Variants in PRKCA observed in about 807,000 individuals in gnomAD.
PRKCA encodes protein kinase C alpha type.
Under a neutral mutation model 87.0 loss-of-function variants are expected in PRKCA, and 27 were observed. That is an observed-to-expected ratio of 0.31 (90% CI 0.23 to 0.43). The LOEUF is 0.43. PRKCA is among the 20% of genes least tolerant of loss of function. The probability of loss-of-function intolerance (pLI) is 1.00; values close to 1 mark genes in which losing one functional copy is unlikely to be tolerated. For missense variants in PRKCA, 518 were observed against 852.3 expected (o/e 0.61, Z 4.88); for synonymous variants, 329 against 311.1 (o/e 1.06, Z -0.61).
At chr17:66,702,948 C>G (rs562650438) in intron 8 of PRKCA, among the ~76,000 whole-genome samples, 1 of 152,000 alleles carries the variant, frequency 6.6e-6, no homozygotes, top group South Asian at 2.1e-4. Flanking sequence ...AGTAAAAATA[C>G]AATATAAAAG....
chr17:66,425,295 T>C (rs1912739075), intron 2 of PRKCA, among the ~76,000 whole-genome samples: 1 of 152,090 alleles, frequency 6.6e-6, no homozygotes, highest in African/African-American at 2.4e-5. Flanking sequence ...CACAGACCTC[T>C]CCCTCCAAGG....
At chr17:66,511,578 G>A (rs1917231113) in intron 3 of PRKCA, among the ~76,000 whole-genome samples, 1 of 152,134 alleles carries the variant, frequency 6.6e-6, no homozygotes, top group Admixed American at 6.5e-5. Flanking sequence ...TATTTAAGAA[G>A]GAATCACATT....
At chr17:66,684,498 T>C (rs977184783) in intron 5 of PRKCA, among the ~76,000 whole-genome samples, 24 of 152,244 alleles carry the variant, frequency 1.6e-4, no homozygotes. Flanking sequence ...CAGGCTGTTC[T>C]CTGCTGTGAT....
chr17:66,496,675 A>G (rs1598720763), intron 3 of PRKCA, among the ~76,000 whole-genome samples: 1 of 120,436 alleles, frequency 8.3e-6, no homozygotes, highest in South Asian at 2.6e-4. Context: ...ATGGAGTCTC[A>G]CTCTGTTGCC....
chr17:66,616,775 C>T (rs1293464681), intron 3 of PRKCA, among the ~76,000 whole-genome samples: 1 of 151,998 alleles, frequency 6.6e-6, no homozygotes, highest in Non-Finnish European at 1.5e-5. Flanking sequence ...CAGAGGAATC[C>T]AAGTGGGAGA....
At chr17:66,514,040 A>G (rs1966884047) in intron 3 of PRKCA, among the ~76,000 whole-genome samples, 1 of 152,166 alleles carries the variant, frequency 6.6e-6, no homozygotes, top group Non-Finnish European at 1.5e-5. Flanking sequence ...ATTTTGAGAG[A>G]CCACATTCAC....
chr17:66,613,505 T>C (rs1244983166), intron 3 of PRKCA, among the ~76,000 whole-genome samples: 1 of 152,212 alleles, frequency 6.6e-6, no homozygotes, highest in Non-Finnish European at 1.5e-5. Flanking sequence ...CTCACAATTC[T>C]GAGGCTAGAA....
intron 8 of PRKCA, among the ~76,000 whole-genome samples, chr17:66,730,885 C>T (rs555717571): frequency 4.6e-5 from 7 of 152,176 alleles, no homozygotes; most frequent in Non-Finnish European, 7.3e-5. Context: ...AGAGGGACGA[C>T]GGATGATTCC....
At chr17:66,594,072 T>C (rs1969896283) in intron 3 of PRKCA, among the ~76,000 whole-genome samples, 1 of 152,186 alleles carries the variant, frequency 6.6e-6, no homozygotes, top group African/African-American at 2.4e-5. Flanking sequence ...GCAACAAGAA[T>C]GAAACTCCGT....
At chr17:66,316,397 G>C (rs1905319721) in intron 2 of PRKCA, among the ~76,000 whole-genome samples, 1 of 152,152 alleles carries the variant, frequency 6.6e-6, no homozygotes. Flanking sequence ...CTGAAGCTTG[G>C]AAAATAACTT....
intron 2 of PRKCA, among the ~76,000 whole-genome samples, chr17:66,395,758 G>A (rs1910628679): frequency 6.6e-6 from 1 of 152,168 alleles, no homozygotes; most frequent in Admixed American, 6.5e-5. Context: ...CGCTGAATGG[G>A]ATTCTCCAAG....
rs149330776 is a variant in PRKCA, at chr17:66,723,309, G to C, written c.919-9379G>C. Among the ~76,000 whole-genome samples the C allele has an allele frequency of 1.9e-3, 285 of 152,326 alleles. 1 individual carries two copies. Among genetic ancestry groups the C allele is most frequent in the African/African-American group, 6.6e-3 (274 of 41,572 alleles). The stretch of plus-strand genomic sequence containing the variant: ...AGGAAAGTGCAGTCTCCTGCACTTT[G>C]TCTCCTTTCTGGGTCAAAGCAAAGA... On this transcript the variant is annotated intron_variant, in intron 8 of 16. Transcript: ENST00000413366.
chr17:66,798,052 G>T (rs1353493525), intron 16 of PRKCA, among the ~76,000 whole-genome samples: 3 of 152,224 alleles, frequency 2.0e-5, no homozygotes, highest in Non-Finnish European at 4.4e-5. Flanking sequence ...TTCCAATGGA[G>T]GTGGTGATCC....
chr17:66,592,866 C>T (rs1324679372), intron 3 of PRKCA, among the ~76,000 whole-genome samples: 1 of 152,244 alleles, frequency 6.6e-6, no homozygotes, highest in Non-Finnish European at 1.5e-5. Context: ...AATCTCGGCT[C>T]ACTGCAACTT....
At chr17:66,491,070 T>C (rs943198587) in intron 2 of PRKCA, among the ~76,000 whole-genome samples, 1 of 152,244 alleles carries the variant, frequency 6.6e-6, no homozygotes, top group Admixed American at 6.5e-5. Context: ...ATTTGTTATT[T>C]GGCCAAGTCT....
intron 2 of PRKCA, among the ~76,000 whole-genome samples, chr17:66,349,486 G>A (rs957093272): frequency 2.6e-5 from 4 of 152,092 alleles, no homozygotes; most frequent in Non-Finnish European, 5.9e-5. Context: ...GTAGAGGTTT[G>A]CAAAGAAACC....
At chr17:66,525,452 T>C (rs1204964401) in intron 3 of PRKCA, among the ~76,000 whole-genome samples, 1 of 152,226 alleles carries the variant, frequency 6.6e-6, no homozygotes, top group Non-Finnish European at 1.5e-5. Flanking sequence ...GACCATCCAC[T>C]TAGAGACACA....
chr17:66,440,626 C>G (rs752303675), intron 2 of PRKCA, among the ~76,000 whole-genome samples: 49 of 152,118 alleles, frequency 3.2e-4, no homozygotes, highest in Non-Finnish European at 4.4e-4. Context: ...GGGGTGTTAC[C>G]TAGTCTGGGA....
In PRKCA at chr17:66,394,823, C is replaced by T. The variant is rs192441504; in HGVS notation, c.205+88696C>T. The stretch of plus-strand genomic sequence containing the variant: ...CTCTTTCCCCCTGCTGGGCTCTTCT[C>T]CTTCCTGCTGCCTTGTGAAGAAGGT... On this transcript the variant is annotated intron_variant, in intron 2 of 16. Coordinates refer to ENST00000413366, the MANE Select transcript of PRKCA (RefSeq NM_002737.3). Among the ~76,000 whole-genome samples the T allele has an allele frequency of 1.4e-3, 209 of 152,280 alleles. 2 individuals are homozygous for T. The highest frequency in any genetic ancestry group is 5.0e-3 in the East Asian group (26 of 5,172).
Sources: gnomAD v4.1 joint callset for allele counts (sites outside exome capture counted in the v4.1 genomes callset) on GRCh38, gnomAD v4.1.1 for gene constraint, MANE v1.5 for transcripts, NCBI Gene and HGNC (gene_info 2026-07-23, HGNC 2026-07-21) for gene names.